Variants in THSD7B observed in about 807,000 individuals in gnomAD.
The protein encoded by THSD7B is thrombospondin type-1 domain-containing protein 7B.
In THSD7B, 138 loss-of-function variants were observed where a neutral mutation model predicts 213.6. The observed-to-expected ratio is 0.65, with a 90% confidence interval of 0.56 to 0.74. The LOEUF is 0.74. Ranked by LOEUF, THSD7B falls within the 30% of genes least tolerant of loss-of-function variation. THSD7B has a pLI of 0.00. For missense variants in THSD7B, 1,931 were observed against 1,991.5 expected (o/e 0.97, Z 0.58); for synonymous variants, 742 against 687.0 (o/e 1.08, Z -1.25).
chr2:136,858,094 C>T (rs1683203091), intron 1 of THSD7B, among the ~76,000 whole-genome samples: 1 of 152,104 alleles, frequency 6.6e-6, no homozygotes, highest in African/African-American at 2.4e-5. Context: ...AAACAGATGT[C>T]TTACAAGCAT....
intron 1 of THSD7B, among the ~76,000 whole-genome samples, chr2:136,825,312 A>C (rs1330097528): frequency 6.6e-6 from 1 of 152,232 alleles, no homozygotes; most frequent in African/African-American, 2.4e-5. Context: ...TTAGAAGTCC[A>C]GCATGGGTCT....
At chr2:137,389,144 T>TAAG (rs1459610925) in intron 12 of THSD7B, among the ~76,000 whole-genome samples, 1 of 147,342 alleles carries the variant, frequency 6.8e-6, no homozygotes, top group Non-Finnish European at 1.5e-5. Flanking sequence ...TAACAGTGTA[T>TAAG]AAGAGCTCCC....
intron 1 of THSD7B, among the ~76,000 whole-genome samples, chr2:136,786,834 ATAAT>A (rs1426186242): frequency 1.3e-5 from 2 of 152,168 alleles, no homozygotes; most frequent in African/African-American, 4.8e-5. Context: ...CATTCACCTA[ATAAT>A]TTTAGCACCA....
intron 17 of THSD7B, among the ~76,000 whole-genome samples, chr2:137,615,269 G>T (rs1313645691): frequency 6.6e-6 from 1 of 152,202 alleles, no homozygotes; most frequent in African/African-American, 2.4e-5. Context: ...TTTAGAAGCA[G>T]TTCTATACAG....
intron 2 of THSD7B, among the ~76,000 whole-genome samples, chr2:136,961,464 C>T (rs1685218568): frequency 6.6e-6 from 1 of 152,028 alleles, no homozygotes; most frequent in African/African-American, 2.4e-5. Context: ...TTGTGATCTG[C>T]CTGCCTCAGC....
At chr2:136,898,191 G>C (rs1344644465) in intron 2 of THSD7B, among the ~76,000 whole-genome samples, 1 of 152,186 alleles carries the variant, frequency 6.6e-6, no homozygotes, top group East Asian at 1.9e-4. Context: ...CATGGACATA[G>C]AATGTCTCAT....
intron 5 of THSD7B, among the ~76,000 whole-genome samples, chr2:137,117,067 G>A (rs1019830871): frequency 6.6e-6 from 1 of 152,170 alleles, no homozygotes; most frequent in African/African-American, 2.4e-5. Context: ...GTACAGAGCT[G>A]AATATAGTGA....
intron 1 of THSD7B, among the ~76,000 whole-genome samples, chr2:136,874,414 A>G (rs1683491642): frequency 6.6e-6 from 1 of 152,194 alleles, no homozygotes; most frequent in Non-Finnish European, 1.5e-5. Context: ...GCAGTCAGAC[A>G]ATAGCCCCGT....
rs554442578 is a variant in THSD7B, at chr2:137,085,342, A to C, written c.951-9531A>C. Among the ~76,000 whole-genome samples the C allele has an allele frequency of 2.2e-4, 34 of 152,314 alleles. No homozygotes were observed. In the South Asian group the frequency reaches 6.6e-3, roughly 30 times the overall value. ...TCACCAAAAATGTAAGCTAAGTCCA[A>C]TGTGAAACAGTGAGGACAAAATAAA... On this transcript the variant is annotated intron_variant, in intron 3 of 27. Coordinates refer to ENST00000409968, the MANE Select transcript of THSD7B (RefSeq NM_001316349.2).
chr2:137,365,304 G>A (rs534822384), intron 12 of THSD7B, among the ~76,000 whole-genome samples: 7 of 152,136 alleles, frequency 4.6e-5, no homozygotes, highest in African/African-American at 1.4e-4. Flanking sequence ...GAAAACCTAG[G>A]CAATGCCATT....
chr2:137,604,963 G>T (rs549805572), intron 17 of THSD7B, among the ~76,000 whole-genome samples: 3 of 152,142 alleles, frequency 2.0e-5, no homozygotes, highest in African/African-American at 7.2e-5. Flanking sequence ...TGTACTAGTA[G>T]AAAAATAATA....
intron 4 of THSD7B, among the ~76,000 whole-genome samples, chr2:137,109,520 G>T (rs750405302): frequency 6.6e-6 from 1 of 152,190 alleles, no homozygotes; most frequent in East Asian, 1.9e-4. Flanking sequence ...GGAGCGCTGA[G>T]CTTGTTTTCC....
At chr2:137,399,648 C>A (rs747999839) in intron 12 of THSD7B, among the ~76,000 whole-genome samples, 1 of 152,134 alleles carries the variant, frequency 6.6e-6, no homozygotes, top group Non-Finnish European at 1.5e-5. Context: ...TGACTTTAGA[C>A]AGTCTGATGA....
intron 1 of THSD7B, among the ~76,000 whole-genome samples, chr2:136,844,987 A>G (rs1377512994): frequency 1.3e-5 from 2 of 152,220 alleles, no homozygotes; most frequent in African/African-American, 2.4e-5. Context: ...GTTGATACCT[A>G]GTAAATGTCT....
intron 12 of THSD7B, among the ~76,000 whole-genome samples, chr2:137,347,371 A>T (rs1364882480): frequency 2.0e-5 from 3 of 151,618 alleles, no homozygotes; most frequent in Non-Finnish European, 4.4e-5. Flanking sequence ...GTAGTGTTCC[A>T]TTGATTAATA....
chr2:136,817,970 A>C lies in THSD7B; in HGVS notation c.-36+52283A>C, dbSNP rs1329233138. ...GTTGGGACTGTAAACTAGTTCAACC[A>C]TTGTGGAAATCAGTGTGGCGATTCC... is the stretch of plus-strand genomic sequence containing the variant. On this transcript the variant is annotated intron_variant, in intron 1 of 27. Coordinates refer to ENST00000409968, the MANE Select transcript of THSD7B (RefSeq NM_001316349.2). Among the ~76,000 whole-genome samples the C allele has an allele frequency of 2.0e-5, 3 of 150,700 alleles. No individual in the cohort carries two copies. In the East Asian group the frequency reaches 5.9e-4, roughly 29 times the overall value.
In THSD7B at chr2:137,305,161, A is replaced by G. The variant is rs536726696; in HGVS notation, c.2500+29135A>G. On this transcript the variant is annotated intron_variant, in intron 12 of 27. Transcript: ENST00000409968. ...GCTCTGAAACTGAAATGACAGTTTG[A>G]TAGAGTGTAGAATGCTGGCTTTAAA... 8.5e-5 allele frequency among the ~76,000 whole-genome samples: 13 copies of G among 152,298 alleles called. No homozygotes were observed. The South Asian group carries it at 1.9e-3, about 22-fold the overall frequency.
At chr2:137,642,198 G>A (rs1199092051) in intron 20 of THSD7B, 1 of 273,950 alleles carries the variant, frequency 3.7e-6, no homozygotes, top group East Asian at 8.1e-5. Flanking sequence ...TGAATTGACA[G>A]TCTACCAATG....
In THSD7B at chr2:137,677,166, A is replaced by T. The variant is rs1573783612; in HGVS notation, c.*561A>T. The T allele has an allele frequency of 6.6e-6, 1 of 152,586 alleles. No homozygotes were observed. Among genetic ancestry groups the T allele is most frequent in the African/African-American group, 2.4e-5 (1 of 41,444 alleles). 9.5% of individuals were successfully genotyped at this position (152,586 alleles called of 1,614,324 possible). On this transcript the variant is annotated 3_prime_UTR_variant, in exon 28 of 28. Transcript: ENST00000409968. ...GAAATTCTCTGAGTTTTTAACCTTT[A>T]AATATTGTATTTTGTTTTGTAGCCA...
Sources: gnomAD v4.1 joint callset for allele counts (sites outside exome capture counted in the v4.1 genomes callset) on GRCh38, gnomAD v4.1.1 for gene constraint, MANE v1.5 for transcripts, NCBI Gene and HGNC (gene_info 2026-07-23, HGNC 2026-07-21) for gene names.